The following CHST9 variants were observed in gnomAD, a reference collection of about 807,000 sequenced individuals.
The protein encoded by CHST9 is GalNAc-4-sulfotransferase 2.
A neutral mutation model predicts 44.4 loss-of-function variants in CHST9; 41 were observed. That is an observed-to-expected ratio of 0.92 (90% confidence interval 0.72 to 1.20). CHST9 has a LOEUF of 1.20. Among genes scored for constraint, CHST9 ranks in the 50% most tolerant of loss-of-function variants. The pLI is 0.00. For missense variants in CHST9, 504 were observed against 516.5 expected (o/e 0.98, Z 0.23); for synonymous variants, 171 against 178.4 (o/e 0.96, Z 0.33).
At chr18:27,037,840 T>C (rs1321119626) in intron 3 of CHST9, among the ~76,000 whole-genome samples, 1 of 128,852 alleles carries the variant, frequency 7.8e-6, no homozygotes, top group Admixed American at 8.4e-5. Context: ...AGTTAAGTTT[T>C]TTTTTTTTTA....
intron 1 of CHST9, among the ~76,000 whole-genome samples, chr18:27,168,451 G>A (rs2058808982): frequency 6.6e-6 from 1 of 152,184 alleles, no homozygotes. Context: ...TAGGAAGGAG[G>A]CTGTTTTAAT....
chr18:27,158,092 G>GT (rs1341348358), intron 1 of CHST9, among the ~76,000 whole-genome samples: 3 of 151,826 alleles, frequency 2.0e-5, no homozygotes, highest in South Asian at 4.2e-4. Flanking sequence ...ACATCACAAA[G>GT]TTTTTTTGTT....
chr18:27,089,812 T>TA (rs1428694000), intron 2 of CHST9, among the ~76,000 whole-genome samples: 1 of 147,208 alleles, frequency 6.8e-6, no homozygotes, highest in Non-Finnish European at 1.5e-5. Flanking sequence ...TTTCCTGACT[T>TA]TTTTTTTTTT....
chr18:27,026,091 A>C (rs900183652), intron 3 of CHST9, among the ~76,000 whole-genome samples: 1 of 152,196 alleles, frequency 6.6e-6, no homozygotes. Context: ...TCCTTAAAAA[A>C]TGTGGACATG....
At position 27,036,541 on chromosome 18, in the gene CHST9, T is replaced by C. The variant is rs188713989; in HGVS notation, c.160+11924A>G. Among the ~76,000 whole-genome samples the C allele has an allele frequency of 1.2e-4, 19 of 152,302 alleles. No homozygotes were observed. The East Asian group carries it at 3.5e-3, about 28-fold the overall frequency. On this transcript the variant is annotated intron_variant, in intron 3 of 5. Coordinates refer to ENST00000618847, the MANE Select transcript of CHST9 (RefSeq NM_031422.6). ...ATTTTGTTAAGATAATTTTCAAACA[T>C]GCTGAAAAGTTGAAAAGCTTCATTT...
At position 26,944,380 on chromosome 18, in the gene CHST9, C is replaced by G. The variant is rs376266875; in HGVS notation, c.203-14G>C. 1.6e-5 allele frequency: 26 copies of G among 1,592,238 alleles called. No homozygotes were observed. In the African/African-American group the frequency reaches 2.6e-4, roughly 16 times the overall value. On this transcript the variant is annotated splice_polypyrimidine_tract_variant and intron_variant, in intron 4 of 5. Coordinates refer to ENST00000618847, the MANE Select transcript of CHST9 (RefSeq NM_031422.6). ...TTTCTGTACTCACTGAAAGAGAAAG[C>G]AAAAAGAATTTTTACATTAAAGCAT...
At chr18:27,072,090 T>G (rs2057847257) in intron 2 of CHST9, among the ~76,000 whole-genome samples, 1 of 152,174 alleles carries the variant, frequency 6.6e-6, no homozygotes, top group African/African-American at 2.4e-5. Flanking sequence ...GTTCTTTGAT[T>G]GGACTATAGC....
chr18:26,968,178 C>T (rs907692811), intron 4 of CHST9, among the ~76,000 whole-genome samples: 4 of 152,152 alleles, frequency 2.6e-5, no homozygotes, highest in African/African-American at 9.7e-5. Flanking sequence ...ATGCATCTAT[C>T]CCATTTGTTC....
intron 2 of CHST9, among the ~76,000 whole-genome samples, chr18:27,087,492 C>G (rs866339101): frequency 8.5e-5 from 13 of 152,218 alleles, no homozygotes; most frequent in Middle Eastern, 6.8e-3. Context: ...TTTTTTCTCC[C>G]TAATATGTAC....
At chr18:27,007,555 T>C (rs969092213) in intron 4 of CHST9, among the ~76,000 whole-genome samples, 3 of 151,738 alleles carry the variant, frequency 2.0e-5, no homozygotes, top group African/African-American at 7.3e-5. Flanking sequence ...AGAGGATAGA[T>C]TAAAAAGCAA....
At chr18:27,165,144 G>C (rs2143941325) in intron 1 of CHST9, among the ~76,000 whole-genome samples, 1 of 152,294 alleles carries the variant, frequency 6.6e-6, no homozygotes, top group South Asian at 2.1e-4. Flanking sequence ...GGGAGACTGT[G>C]TGGAAAGATA....
chr18:27,033,357 C>A (rs898494356), intron 3 of CHST9, among the ~76,000 whole-genome samples: 1 of 152,142 alleles, frequency 6.6e-6, no homozygotes, highest in Non-Finnish European at 1.5e-5. Context: ...TTTACCCCAC[C>A]CCTTTCATAC....
intron 2 of CHST9, among the ~76,000 whole-genome samples, chr18:27,134,869 A>T (rs558444969): frequency 6.6e-6 from 1 of 152,230 alleles, no homozygotes; most frequent in Admixed American, 6.5e-5. Flanking sequence ...AACTAGAAGT[A>T]TACAAGAAAA....
chr18:27,011,940 C>G (rs779559146), intron 4 of CHST9, among the ~76,000 whole-genome samples: 73 of 152,180 alleles, frequency 4.8e-4, no homozygotes, highest in Non-Finnish European at 8.8e-4. Context: ...TCAAGACCAC[C>G]TTTGCCTTTG....
chr18:27,012,484 G>A (rs2057096890), intron 4 of CHST9, among the ~76,000 whole-genome samples: 1 of 152,136 alleles, frequency 6.6e-6, no homozygotes, highest in South Asian at 2.1e-4. Flanking sequence ...ATAGGTAGAG[G>A]AGGAGAGGAA....
At chr18:27,076,490 G>C (rs1366815328) in intron 2 of CHST9, among the ~76,000 whole-genome samples, 1 of 152,112 alleles carries the variant, frequency 6.6e-6, no homozygotes, top group Non-Finnish European at 1.5e-5. Context: ...AGCAAATCCT[G>C]GTATAGGTGT....
intron 1 of CHST9, among the ~76,000 whole-genome samples, chr18:27,150,933 A>G (rs915664389): frequency 2.6e-5 from 4 of 152,184 alleles, no homozygotes; most frequent in African/African-American, 9.6e-5. Flanking sequence ...TGGTAGGCAC[A>G]TAAACGTTTT....
intron 3 of CHST9, among the ~76,000 whole-genome samples, chr18:27,038,373 C>T (rs2057411122): frequency 6.6e-6 from 1 of 152,006 alleles, no homozygotes; most frequent in African/African-American, 2.4e-5. Context: ...TGGTGAAACC[C>T]CGTCTGTACT....
In CHST9 at chr18:27,053,281, A is replaced by G. The variant is rs1291425773; in HGVS notation, c.122-4778T>C. On this transcript the variant is annotated intron_variant, in intron 2 of 5. Coordinates refer to ENST00000618847, the MANE Select transcript of CHST9 (RefSeq NM_031422.6). ...AAGAAGGAGAAGGAGAAGGAGAAGG[A>G]GAAGGAGAAGGAGAAGGAGAAGGAG... is the stretch of plus-strand genomic sequence containing the variant. 8.5e-4 allele frequency among the ~76,000 whole-genome samples: 114 copies of G among 134,512 alleles called. 3 individuals carry two copies. Among genetic ancestry groups the G allele is most frequent in the African/African-American group, 3.2e-3 (112 of 35,076 alleles). The allele number at this position is 134,512 out of a possible 152,430, so 88.2% of individuals were successfully genotyped here.
Sources: gnomAD v4.1 joint callset for allele counts (sites outside exome capture counted in the v4.1 genomes callset) on GRCh38, gnomAD v4.1.1 for gene constraint, MANE v1.5 for transcripts, NCBI Gene and HGNC (gene_info 2026-07-23, HGNC 2026-07-21) for gene names.